Variants in RANBP2 observed in about 807,000 individuals in gnomAD.
RANBP2 encodes E3 SUMO-protein ligase RanBP2.
RANBP2 carries 57 observed loss-of-function variants against 303.6 expected under a neutral mutation model. The ratio of observed to expected loss-of-function variants is 0.19; its 90% CI spans 0.15 to 0.23. The LOEUF is 0.23. Ranked by LOEUF, RANBP2 falls within the 10% of genes least tolerant of loss-of-function variation. The probability of loss-of-function intolerance (pLI) is 1.00; values close to 1 mark genes in which losing one functional copy is unlikely to be tolerated. For missense variants in RANBP2, 3,138 were observed against 3,780.8 expected (o/e 0.83, Z 4.46); for synonymous variants, 1,167 against 1,301.5 (o/e 0.90, Z 2.23).
At chr2:108,853,975 TAATATATAATATATAATAAATTTATATTA>T in the RANBP2 span, among the ~76,000 whole-genome samples, 1 of 98,350 alleles carries the variant, frequency 1.0e-5, no homozygotes, top group Non-Finnish European at 2.0e-5. Flanking sequence ...AAAATATATA[TAATATATAATATATAATAAATTTATATTA>T]TATATAATAT....
At chr2:109,230,311 C>G in the RANBP2 span, among the ~76,000 whole-genome samples, 4 of 152,128 alleles carry the variant, frequency 2.6e-5, no homozygotes, top group African/African-American at 2.4e-5. Flanking sequence ...CATAGTGCCT[C>G]ACGCCTGTAA....
the RANBP2 span, among the ~76,000 whole-genome samples, chr2:108,985,963 C>T: frequency 9.2e-5 from 14 of 152,200 alleles, no homozygotes; most frequent in Admixed American, 9.2e-4. Flanking sequence ...TCCCTTAATA[C>T]ATGACCTAAT....
chr2:109,505,924 C>T, the RANBP2 span, among the ~76,000 whole-genome samples: 2 of 152,162 alleles, frequency 1.3e-5, no homozygotes, highest in East Asian at 1.9e-4. Context: ...CCTGGCAGGC[C>T]GTCCCAGCCA....
chr2:109,287,675 C>T, the RANBP2 span, among the ~76,000 whole-genome samples: 1 of 152,186 alleles, frequency 6.6e-6, no homozygotes, highest in Admixed American at 6.5e-5. Flanking sequence ...CTTCTGGGCC[C>T]TCCCTCGGAT....
chr2:109,195,621 T>G, the RANBP2 span, among the ~76,000 whole-genome samples: 1 of 152,218 alleles, frequency 6.6e-6, no homozygotes, highest in African/African-American at 2.4e-5. Flanking sequence ...TCTGGAAGGA[T>G]GCCTCTTTCC....
At chr2:108,882,520 T>C in the RANBP2 span, 1 of 152,240 alleles carries the variant, frequency 6.6e-6, no homozygotes, top group Admixed American at 6.5e-5. Context: ...AGGGCGTTAC[T>C]TGGCAAAGCA....
chr2:109,290,860 T>A, the RANBP2 span, among the ~76,000 whole-genome samples: 1 of 152,262 alleles, frequency 6.6e-6, no homozygotes, highest in African/African-American at 2.4e-5. Context: ...AAGGCTTAAA[T>A]ATTATTTTTA....
the RANBP2 span, among the ~76,000 whole-genome samples, chr2:108,831,809 T>G: frequency 1.0e-3 from 157 of 152,068 alleles, no homozygotes; most frequent in African/African-American, 3.5e-3. Context: ...CTCGGCCCAC[T>G]GCAACTACTG....
In RANBP2 at chr2:108,749,046, A is replaced by T. The variant is rs376733981; in HGVS notation, c.1190A>T (p.Asp397Val). 6.2e-7 allele frequency: 1 copy of T among 1,611,976 alleles called. No homozygotes were observed. The highest frequency in any genetic ancestry group is 8.5e-7 in the Non-Finnish European group (1 of 1,179,862). Residue 397 changes from aspartate to valine, a missense_variant, in exon 9 of 29, where the codon GAT becomes GTT. Asp to Val is a radical substitution (Grantham distance 152, BLOSUM62 -3). This residue lies in a region of RANBP2 where 95 missense variants were observed against 86.4 expected (regional missense o/e 1.10). Coordinates refer to ENST00000283195, the MANE Select transcript of RANBP2 (RefSeq NM_006267.5). ...DALFSSQSPK[D>V]TSFLGSDDIG... ...CTGTTTTCTAGTCAGTCACCTAAGGATACATCTTTTCTTGGTAGCGATGAT... is the reference window on the plus strand; with the variant it reads ...CTGTTTTCTAGTCAGTCACCTAAGGTTACATCTTTTCTTGGTAGCGATGAT...
chr2:109,714,956 GT>G, the RANBP2 span, among the ~76,000 whole-genome samples: 3 of 77,886 alleles, frequency 3.9e-5, no homozygotes, highest in Non-Finnish European at 7.0e-5. Flanking sequence ...CCCATAGTAG[GT>G]TTTTTTTGGG....
chr2:109,375,878 C>T, the RANBP2 span, among the ~76,000 whole-genome samples: 6 of 152,354 alleles, frequency 3.9e-5, no homozygotes, highest in South Asian at 2.1e-4. Context: ...CAGTTCAGGG[C>T]GATGCGGGCT....
At chr2:108,903,449 A>T in the RANBP2 span, among the ~76,000 whole-genome samples, 1 of 152,176 alleles carries the variant, frequency 6.6e-6, no homozygotes, top group Non-Finnish European at 1.5e-5. Context: ...TGAAAAAAAA[A>T]TAAAGGAAAA....
At chr2:109,192,585 G>A in the RANBP2 span, among the ~76,000 whole-genome samples, 64 of 152,250 alleles carry the variant, frequency 4.2e-4, 1 homozygote, top group Admixed American at 3.5e-3. Flanking sequence ...GTCTTGAAAC[G>A]GCATGGAATA....
chr2:109,548,398 C>T, the RANBP2 span, among the ~76,000 whole-genome samples: 3 of 152,070 alleles, frequency 2.0e-5, no homozygotes, highest in Non-Finnish European at 4.4e-5. Context: ...TAGAAAAAGA[C>T]GACATAGCTG....
intron 22 of RANBP2, 77 bp downstream of exon 22, chr2:108,772,658 T>C: frequency 7.1e-7 from 1 of 1,414,838 alleles, no homozygotes; most frequent in Admixed American, 2.0e-5. Context: ...GTCTGATAAT[T>C]TCTATAATTA....
chr2:109,428,522 CA>C, the RANBP2 span, among the ~76,000 whole-genome samples: 1 of 152,226 alleles, frequency 6.6e-6, no homozygotes, highest in Non-Finnish European at 1.5e-5. Context: ...CCCCTGGCCC[CA>C]TGCCTGACTG....
chr2:108,809,486 GT>G, the RANBP2 span, among the ~76,000 whole-genome samples: 214 of 148,952 alleles, frequency 1.4e-3, 1 homozygote, highest in Non-Finnish European at 1.9e-3. Flanking sequence ...GTGTGTGTGT[GT>G]GATCTTCAGT....
the RANBP2 span, among the ~76,000 whole-genome samples, chr2:109,293,374 A>G: frequency 6.6e-6 from 1 of 152,238 alleles, no homozygotes; most frequent in Non-Finnish European, 1.5e-5. Context: ...AATCTGGGAA[A>G]GGGGCTGCAG....
Position 108,764,555 on chromosome 2 carries a change from C to T in RANBP2, c.4016C>T (p.Ala1339Val). 5 of 1,613,766 alleles carry T rather than the reference C, an allele frequency of 3.1e-6. No homozygotes were observed. Among genetic ancestry groups the T allele is most frequent in the Non-Finnish European group, 4.2e-6 (5 of 1,179,924 alleles). Residue 1339 changes from alanine to valine, a missense_variant, in exon 20 of 29, where the codon GCT (alanine) becomes GTT (valine). Ala to Val is a moderately conservative substitution (Grantham distance 64). Transcript: ENST00000283195. Reference sequence around the variant, plus strand: ...AACAAGGATATTTGCAAATCTGATGCTGGAAACCTGAATTTTGAATTTCAG... The same window carrying T: ...AACAAGGATATTTGCAAATCTGATGTTGGAAACCTGAATTTTGAATTTCAG... ...HDNKDICKSD[A>V]GNLNFEFQVA... is the part of the protein sequence containing the mutation.
Sources: gnomAD v4.1 joint callset for allele counts (sites outside exome capture counted in the v4.1 genomes callset) on GRCh38, gnomAD v4.1.1 for gene constraint, gnomAD v4.1.1 regional missense constraint, MANE v1.5 for transcripts, NCBI Gene and HGNC (gene_info 2026-07-23, HGNC 2026-07-21) for gene names.